FSIP1: variants seen among roughly 807,000 people sequenced by gnomAD.
The protein encoded by FSIP1 is fibrous sheath interacting protein 1, also known as fibrous sheath-interacting protein 1.
FSIP1 carries 65 observed loss-of-function variants against 60.9 expected under a neutral mutation model. That is an observed-to-expected ratio of 1.07 (90% CI 0.87 to 1.31). The LOEUF (loss-of-function observed/expected upper bound fraction) is 1.31. Among genes scored for constraint, FSIP1 ranks in the 40% most tolerant of loss-of-function variants. The pLI is 0.00. For missense variants in FSIP1, 675 were observed against 665.5 expected, an observed-to-expected ratio of 1.01 and a Z score of -0.16; for synonymous variants, 209 against 221.2, an observed-to-expected ratio of 0.94 and a Z score of 0.49.
At chr15:39,719,417 T>G (rs919487810) in intron 9 of FSIP1, among the ~76,000 whole-genome samples, 1 of 152,216 alleles carries the variant, frequency 6.6e-6, no homozygotes, top group Non-Finnish European at 1.5e-5. Context: ...AATAGATACT[T>G]GTTGATTTGA....
chr15:39,626,849 A>G (rs911935394), intron 10 of FSIP1, among the ~76,000 whole-genome samples: 1 of 152,196 alleles, frequency 6.6e-6, no homozygotes, highest in Non-Finnish European at 1.5e-5. Flanking sequence ...ACAAGGCTTC[A>G]GGTACCAGGA....
rs978790305 is a variant in FSIP1, at chr15:39,760,191, C to T, written c.559+3630G>A. ...AATCATTAAAAATAATGCTGATGCA[C>T]ATTGTTCCAGTTATCTATTGTTGGA... is the stretch of plus-strand genomic sequence containing the variant. On this transcript the variant is annotated intron_variant, in intron 5 of 11. Transcript: ENST00000350221. Among the ~76,000 whole-genome samples, 2 of 152,244 alleles carry T rather than the reference C, an allele frequency of 1.3e-5. 1 individual carries two copies. The highest frequency in any genetic ancestry group is 4.1e-4 in the South Asian group (2 of 4,828).
At chr15:39,619,976 T>C (rs1339325878) in intron 10 of FSIP1, among the ~76,000 whole-genome samples, 1 of 152,140 alleles carries the variant, frequency 6.6e-6, no homozygotes, top group Non-Finnish European at 1.5e-5. Context: ...ATTGATATGA[T>C]AGATGTTTGG....
chr15:39,623,646 T>C (rs1380278192), intron 10 of FSIP1, among the ~76,000 whole-genome samples: 11 of 152,172 alleles, frequency 7.2e-5, no homozygotes, highest in African/African-American at 2.7e-4. Context: ...TTTTTGGCTA[T>C]AAGGAACAGA....
chr15:39,755,302 T>C (rs1467495723), intron 5 of FSIP1, among the ~76,000 whole-genome samples: 3 of 152,006 alleles, frequency 2.0e-5, no homozygotes, highest in African/African-American at 7.2e-5. Flanking sequence ...TAAGAGTACC[T>C]TCCCTCCATC....
chr15:39,727,909 C>G (rs1005909399), intron 8 of FSIP1, among the ~76,000 whole-genome samples: 10 of 152,188 alleles, frequency 6.6e-5, no homozygotes, highest in Admixed American at 3.3e-4. Flanking sequence ...ATCAAAACCT[C>G]CTATATTTGA....
chr15:39,706,014 A>C (rs986442871), intron 10 of FSIP1, among the ~76,000 whole-genome samples: 1 of 151,984 alleles, frequency 6.6e-6, no homozygotes, highest in Non-Finnish European at 1.5e-5. Context: ...AAAAAAAAAA[A>C]AAATCTTCTA....
At chr15:39,601,290 G>A (rs1008298861) in intron 11 of FSIP1, among the ~76,000 whole-genome samples, 1 of 152,128 alleles carries the variant, frequency 6.6e-6, no homozygotes, top group East Asian at 1.9e-4. Flanking sequence ...AGAGCTGATC[G>A]CCTTTCATTT....
At chr15:39,759,665 AG>A (rs1260561650) in intron 5 of FSIP1, among the ~76,000 whole-genome samples, 2 of 152,190 alleles carry the variant, frequency 1.3e-5, no homozygotes, top group Non-Finnish European at 2.9e-5. Flanking sequence ...TCTGGAGGCC[AG>A]AAATCCAGAA....
chr15:39,713,338 G>T, intron 10 of FSIP1, 106 bp downstream of exon 10: 1 of 947,084 alleles, frequency 1.1e-6, no homozygotes, highest in East Asian at 2.7e-5. Flanking sequence ...AGGCTGAGGT[G>T]GGCAGGTCAC....
chr15:39,763,244 C>T (rs1049951184), intron 5 of FSIP1, among the ~76,000 whole-genome samples: 1 of 151,968 alleles, frequency 6.6e-6, no homozygotes, highest in African/African-American at 2.4e-5. Context: ...CTAGAATATA[C>T]AAAAATACAA....
chr15:39,611,020 C>T (rs1891009447), intron 11 of FSIP1, among the ~76,000 whole-genome samples: 2 of 152,246 alleles, frequency 1.3e-5, no homozygotes, highest in South Asian at 4.1e-4. Flanking sequence ...ATACATAAAA[C>T]TTATAAAAGC....
At chr15:39,706,039 A>G (rs1363248563) in intron 10 of FSIP1, among the ~76,000 whole-genome samples, 2 of 151,830 alleles carry the variant, frequency 1.3e-5, no homozygotes, top group African/African-American at 4.8e-5. Context: ...TCTTCTATTG[A>G]CAAAGTCCAC....
At chr15:39,685,471 A>G (rs1180097429) in intron 10 of FSIP1, among the ~76,000 whole-genome samples, 2 of 152,230 alleles carry the variant, frequency 1.3e-5, no homozygotes, top group African/African-American at 4.8e-5. Flanking sequence ...TTGATGGCAA[A>G]GGAAACCTCA....
chr15:39,655,956 A>G (rs1173815590), intron 10 of FSIP1, among the ~76,000 whole-genome samples: 1 of 152,218 alleles, frequency 6.6e-6, no homozygotes, highest in Non-Finnish European at 1.5e-5. Context: ...AGTGTTCAGG[A>G]AGAATTCAAT....
chr15:39,689,439 T>C (rs989918309), intron 10 of FSIP1, among the ~76,000 whole-genome samples: 4 of 152,168 alleles, frequency 2.6e-5, no homozygotes, highest in African/African-American at 9.7e-5. Context: ...CTTCTAATCA[T>C]GCTCTGGTCT....
intron 11 of FSIP1, among the ~76,000 whole-genome samples, chr15:39,614,107 C>T (rs1271825792): frequency 6.6e-6 from 1 of 151,912 alleles, no homozygotes; most frequent in Non-Finnish European, 1.5e-5. Flanking sequence ...AAATAAAAGG[C>T]ATCCTAATAG....
chr15:39,749,410 C>T (rs749429111), intron 5 of FSIP1, among the ~76,000 whole-genome samples: 1 of 115,588 alleles, frequency 8.7e-6, no homozygotes. Flanking sequence ...TGTAAAAATC[C>T]TTAATAAAAT....
intron 10 of FSIP1, among the ~76,000 whole-genome samples, chr15:39,629,779 T>C (rs1891803756): frequency 6.6e-6 from 1 of 152,192 alleles, no homozygotes; most frequent in Non-Finnish European, 1.5e-5. Flanking sequence ...ATTCTAAGAA[T>C]AGAATCCAAG....
Sources: allele counts gnomAD v4.1 joint callset (sites outside exome capture counted in the v4.1 genomes callset), GRCh38; gene constraint gnomAD v4.1.1; transcripts MANE v1.5; gene names NCBI Gene and HGNC (gene_info 2026-07-23, HGNC 2026-07-21).